The following ETV6 variants were observed in gnomAD, a reference collection of about 807,000 sequenced individuals.
ETV6 encodes transcription factor ETV6.
ETV6 carries 16 observed loss-of-function variants against 51.1 expected under a neutral mutation model. The observed-to-expected ratio is 0.31, with a 90% CI of 0.21 to 0.48. The LOEUF is 0.48. ETV6 is among the 20% of genes least tolerant of loss of function. The pLI is 0.99. For missense variants in ETV6, 458 were observed against 594.8 expected, an observed-to-expected ratio of 0.77 and a Z score of 2.39; for synonymous variants, 240 against 224.1, an observed-to-expected ratio of 1.07 and a Z score of -0.64.
intron 2 of ETV6, among the ~76,000 whole-genome samples, chr12:11,770,980 T>C (rs746996587): frequency 1.7e-4 from 26 of 152,230 alleles, no homozygotes; most frequent in Non-Finnish European, 3.5e-4. Flanking sequence ...CCTAGTGATT[T>C]TGACATGCTT....
intron 2 of ETV6, among the ~76,000 whole-genome samples, chr12:11,756,723 G>A (rs1298144814): frequency 1.3e-5 from 2 of 152,114 alleles, no homozygotes; most frequent in Non-Finnish European, 2.9e-5. Context: ...ACTCATGGGG[G>A]AGTGGCTGCT....
chr12:11,788,210 A>G (rs765574033), intron 2 of ETV6, among the ~76,000 whole-genome samples: 19 of 152,230 alleles, frequency 1.2e-4, no homozygotes, highest in Non-Finnish European at 2.5e-4. Context: ...GCACAGGGCT[A>G]TAGTCACACT....
chr12:11,829,110 G>A (rs1946203463), intron 2 of ETV6, among the ~76,000 whole-genome samples: 1 of 152,090 alleles, frequency 6.6e-6, no homozygotes, highest in African/African-American at 2.4e-5. Context: ...TCAAAGCACT[G>A]TACTGGGCCT....
At chr12:11,865,237 C>A (rs989640846) in intron 4 of ETV6, among the ~76,000 whole-genome samples, 1 of 133,844 alleles carries the variant, frequency 7.5e-6, no homozygotes, top group African/African-American at 2.9e-5. Flanking sequence ...GGTGAAAGAG[C>A]GAGACTCCGT....
intron 1 of ETV6, among the ~76,000 whole-genome samples, chr12:11,722,603 T>C (rs139902634): frequency 1.3e-3 from 199 of 152,290 alleles, no homozygotes; most frequent in African/African-American, 4.5e-3. Flanking sequence ...CTCCTAGGCT[T>C]TCTACGTCAA....
At chr12:11,735,129 G>T (rs1865679737) in intron 1 of ETV6, among the ~76,000 whole-genome samples, 1 of 108,732 alleles carries the variant, frequency 9.2e-6, no homozygotes. Flanking sequence ...ACTAGGTCCT[G>T]CTTCCAAGCC....
intron 3 of ETV6, among the ~76,000 whole-genome samples, chr12:11,842,739 G>A (rs1470155093): frequency 6.6e-6 from 1 of 152,186 alleles, no homozygotes; most frequent in Non-Finnish European, 1.5e-5. Flanking sequence ...CAGTGCGTAG[G>A]GTAGATTCAT....
chr12:11,842,766 G>A (rs1946409659), intron 3 of ETV6, among the ~76,000 whole-genome samples: 1 of 152,210 alleles, frequency 6.6e-6, no homozygotes, highest in Non-Finnish European at 1.5e-5. Context: ...ACTTAAAGCA[G>A]GAAAGCTAGT....
At chr12:11,828,749 C>G (rs890370686) in intron 2 of ETV6, among the ~76,000 whole-genome samples, 1 of 152,146 alleles carries the variant, frequency 6.6e-6, no homozygotes, top group Admixed American at 6.5e-5. Context: ...AGTACTTGCT[C>G]TAATCTCTTC....
chr12:11,791,991 C>T (rs1945603935), intron 2 of ETV6, among the ~76,000 whole-genome samples: 1 of 152,200 alleles, frequency 6.6e-6, no homozygotes, highest in African/African-American at 2.4e-5. Flanking sequence ...GGGTCGTACA[C>T]ATCACTGATG....
Position 11,677,285 on chromosome 12 carries a change from CCTCT to C in ETV6, c.33+27132_33+27135del, listed in dbSNP as rs1376157258. On this transcript the variant is annotated intron_variant, in intron 1 of 7. Coordinates refer to ENST00000396373, the MANE Select transcript of ETV6 (RefSeq NM_001987.5). ...TTTCTCTCTCTCCTCCCTCCTCCTGCCTCTCTCTCTGCCAATAATTACAAAGCTG... is the reference window on the plus strand; with the variant it reads ...TTTCTCTCTCTCCTCCCTCCTCCTGCCTCTCTGCCAATAATTACAAAGCTG... 4.6e-5 allele frequency among the ~76,000 whole-genome samples: 7 copies of C among 152,150 alleles called. No individual in the cohort carries two copies. In the East Asian group the frequency reaches 1.3e-3, roughly 29 times the overall value.
At chr12:11,719,771 G>A (rs571476553) in intron 1 of ETV6, among the ~76,000 whole-genome samples, 9 of 152,302 alleles carry the variant, frequency 5.9e-5, no homozygotes, top group African/African-American at 2.2e-4. Flanking sequence ...AGAGAGAAGC[G>A]GGAATGGAAG....
At chr12:11,743,950 G>A (rs577456438) in intron 1 of ETV6, among the ~76,000 whole-genome samples, 1 of 152,368 alleles carries the variant, frequency 6.6e-6, no homozygotes, top group South Asian at 2.1e-4. Flanking sequence ...CAGGTGAAGG[G>A]AGGGAGGAGT....
chr12:11,846,306 T>G (rs1204446985), intron 3 of ETV6, among the ~76,000 whole-genome samples: 3 of 151,862 alleles, frequency 2.0e-5, no homozygotes, highest in Non-Finnish European at 4.4e-5. Context: ...TGTTTGCAAA[T>G]TAAAGAATGT....
chr12:11,818,043 G>A (rs1055097035), intron 2 of ETV6, among the ~76,000 whole-genome samples: 3 of 152,200 alleles, frequency 2.0e-5, no homozygotes, highest in African/African-American at 7.2e-5. Flanking sequence ...AAGGCCTGCG[G>A]GGTGACAGGG....
chr12:11,765,337 G>A (rs183980003), intron 2 of ETV6, among the ~76,000 whole-genome samples: 91 of 152,146 alleles, frequency 6.0e-4, no homozygotes, highest in Middle Eastern at 3.4e-3. Flanking sequence ...GAAAATCCAG[G>A]GCCGTCTTAG....
intron 1 of ETV6, among the ~76,000 whole-genome samples, chr12:11,710,072 A>G (rs564913349): frequency 6.6e-6 from 1 of 152,348 alleles, no homozygotes; most frequent in East Asian, 1.9e-4. Flanking sequence ...GGAGGTCAGC[A>G]GTATATTAGG....
chr12:11,806,531 A>G lies in ETV6; in HGVS notation c.164-32609A>G, dbSNP rs58679030. Among the ~76,000 whole-genome samples the G allele has an allele frequency of 2.7e-3, 413 of 152,370 alleles. 1 individual carries two copies. Among genetic ancestry groups the G allele is most frequent in the African/African-American group, 9.4e-3 (391 of 41,592 alleles). ...AGTTCTACACACCTTTGTTAGTTAC[A>G]CATGGAGGTAAATGCATTGATGATG... On this transcript the variant is annotated intron_variant, in intron 2 of 7. Coordinates refer to ENST00000396373, the MANE Select transcript of ETV6 (RefSeq NM_001987.5).
intron 7 of ETV6, among the ~76,000 whole-genome samples, chr12:11,888,962 T>C (rs987821358): frequency 6.6e-6 from 1 of 152,116 alleles, no homozygotes; most frequent in South Asian, 2.1e-4. Flanking sequence ...GTCAAGTCCT[T>C]CTCCCCGACA....
Sources: allele counts gnomAD v4.1 joint callset (sites outside exome capture counted in the v4.1 genomes callset), GRCh38; gene constraint gnomAD v4.1.1; transcripts MANE v1.5; gene names NCBI Gene and HGNC (gene_info 2026-07-23, HGNC 2026-07-21).